Variants in CACNA1E observed in about 807,000 individuals in gnomAD.
CACNA1E encodes voltage-dependent R-type calcium channel subunit alpha-1E.
A neutral mutation model predicts 259.2 loss-of-function variants in CACNA1E; 40 were observed. The observed-to-expected ratio is 0.15, with a 90% confidence interval of 0.12 to 0.20. CACNA1E has a LOEUF of 0.20. Among genes scored for constraint, CACNA1E ranks in the 10% least tolerant of loss-of-function variants. The pLI is 1.00. For missense variants in CACNA1E, 1,874 were observed against 3,040.1 expected, an observed-to-expected ratio of 0.62 and a Z score of 9.02; for synonymous variants, 1,104 against 1,138.5, an observed-to-expected ratio of 0.97 and a Z score of 0.61.
intron 1 of CACNA1E, among the ~76,000 whole-genome samples, chr1:181,496,639 T>C (rs908499734): frequency 3.9e-5 from 6 of 152,104 alleles, no homozygotes; most frequent in African/African-American, 1.4e-4. Flanking sequence ...CTCTTGGAAA[T>C]TTGCCTAATG....
chr1:181,345,762 G>A lies in CACNA1E; in HGVS notation c.-15+27639G>A, dbSNP rs550447848. 5.3e-5 allele frequency among the ~76,000 whole-genome samples: 8 copies of A among 152,298 alleles called. No homozygotes were observed. In the South Asian group the frequency reaches 1.2e-3, roughly 24 times the overall value. On this transcript the variant is annotated intron_variant, in intron 1 of 11. Coordinates refer to the CACNA1E transcript ENST00000524607. ...GGGCAGATGACTTGCTCATTTCCCC[G>A]CTTCTTGAGTGGCTGAGCCAGGCTT...
At chr1:181,738,530 G>T (rs1656270595) in intron 24 of CACNA1E, 104 bp downstream of exon 24, 1 of 881,508 alleles carries the variant, frequency 1.1e-6, no homozygotes, top group Non-Finnish European at 1.9e-6. Flanking sequence ...CCAGCCAATG[G>T]CAGCCCTCAG....
chr1:181,326,131 T>C (rs900304129), intron 1 of CACNA1E, among the ~76,000 whole-genome samples: 9 of 152,236 alleles, frequency 5.9e-5, no homozygotes, highest in Non-Finnish European at 1.2e-4. Context: ...TGCTAAGTCG[T>C]TTAACAACTC....
At chr1:181,357,248 G>T (rs868464981) in intron 1 of CACNA1E, among the ~76,000 whole-genome samples, 3 of 152,184 alleles carry the variant, frequency 2.0e-5, no homozygotes, top group African/African-American at 4.8e-5. Flanking sequence ...CCCCTCCAGC[G>T]GAGGTGGCTC....
chr1:181,544,110 A>G (rs981849747), intron 3 of CACNA1E, among the ~76,000 whole-genome samples: 1 of 152,226 alleles, frequency 6.6e-6, no homozygotes, highest in Admixed American at 6.5e-5. Flanking sequence ...CATGTCAGAC[A>G]ATGGAATACT....
rs1339276750 is a variant in CACNA1E at position 181,726,136 on chromosome 1, G to C, written c.2214G>C (p.Met738Ile). 1.9e-6 allele frequency: 3 copies of C among 1,612,866 alleles called. No individual in the cohort carries two copies. Among genetic ancestry groups the C allele is most frequent in the African/African-American group, 2.7e-5 (2 of 75,032 alleles). Residue 738 changes from methionine (M) to isoleucine (I), a missense_variant, in exon 18 of 48, where the codon ATG becomes ATC. Coordinates refer to ENST00000367573, the MANE Select transcript of CACNA1E (RefSeq NM_001205293.3). ...AGAAGGCCAAGGAGGTCAGCCCGAT[G>C]TCTGCACCCAACATGCCTTCGATCG... ...ALQKAKEVSP[M>I]SAPNMPSIER... is the part of the protein sequence containing the mutation.
intron 1 of CACNA1E, among the ~76,000 whole-genome samples, chr1:181,495,062 G>A (rs1664632989): frequency 6.6e-6 from 1 of 152,134 alleles, no homozygotes; most frequent in African/African-American, 2.4e-5. Flanking sequence ...TTAAGCAGGA[G>A]GTAGCATCTT....
At chr1:181,656,157 A>C (rs925688382) in intron 7 of CACNA1E, among the ~76,000 whole-genome samples, 1 of 152,328 alleles carries the variant, frequency 6.6e-6, no homozygotes, top group African/African-American at 2.4e-5. Context: ...TTATTTTACA[A>C]TTTATTCCTA....
intron 3 of CACNA1E, among the ~76,000 whole-genome samples, chr1:181,532,205 G>C (rs2102735552): frequency 6.6e-6 from 1 of 152,194 alleles, no homozygotes; most frequent in East Asian, 1.9e-4. Context: ...TCTATTTTCT[G>C]TTTGAGTGTT....
intron 3 of CACNA1E, among the ~76,000 whole-genome samples, chr1:181,567,033 A>G (rs1195199190): frequency 6.6e-6 from 1 of 152,146 alleles, no homozygotes; most frequent in Non-Finnish European, 1.5e-5. Flanking sequence ...GTCCCCAAAC[A>G]TCAATACAAC....
At chr1:181,681,581 A>T in intron 7 of CACNA1E, among the ~76,000 whole-genome samples, 1 of 151,974 alleles carries the variant, frequency 6.6e-6, no homozygotes, top group Non-Finnish European at 1.5e-5. Context: ...TTTCCTAAAA[A>T]TAGACCTAAT....
At chr1:181,719,949 C>T in intron 13 of CACNA1E, 86 bp downstream of exon 13, 1 of 846,964 alleles carries the variant, frequency 1.2e-6, no homozygotes, top group Non-Finnish European at 1.9e-6. Context: ...TCTTCTCTTT[C>T]CCCCTTAGGG....
chr1:181,614,974 A>G (rs1655079127), intron 6 of CACNA1E, among the ~76,000 whole-genome samples: 1 of 152,120 alleles, frequency 6.6e-6, no homozygotes, highest in Admixed American at 6.6e-5. Context: ...GATCAGTTGT[A>G]TGTACTTTAG....
intron 7 of CACNA1E, among the ~76,000 whole-genome samples, chr1:181,706,253 T>C (rs1331996637): frequency 1.3e-5 from 2 of 152,116 alleles, no homozygotes; most frequent in East Asian, 3.9e-4. Context: ...TCAGCAGTCA[T>C]CTGGTAAACT....
intron 2 of CACNA1E, among the ~76,000 whole-genome samples, chr1:181,476,419 T>C (rs1324567258): frequency 1.3e-5 from 2 of 152,206 alleles, no homozygotes; most frequent in African/African-American, 2.4e-5. Flanking sequence ...AGAGGCAGGA[T>C]TGGTGGGTGC....
chr1:181,745,882 T>G (rs564172085), intron 25 of CACNA1E, among the ~76,000 whole-genome samples: 1 of 152,340 alleles, frequency 6.6e-6, no homozygotes, highest in African/African-American at 2.4e-5. Context: ...TGCTCTCTCC[T>G]GCTGCTTCTC....
chr1:181,435,221 T>G (rs959559862), intron 2 of CACNA1E, among the ~76,000 whole-genome samples: 3 of 152,194 alleles, frequency 2.0e-5, no homozygotes, highest in African/African-American at 7.2e-5. Context: ...TGGAACAAAC[T>G]AATCTAGGTT....
chr1:181,504,945 G>C (rs1280028070), intron 1 of CACNA1E, among the ~76,000 whole-genome samples: 3 of 152,334 alleles, frequency 2.0e-5, no homozygotes, highest in Non-Finnish European at 4.4e-5. Context: ...AGGGGTGTTT[G>C]AGGAGATTGC....
At chr1:181,665,907 T>C (rs1170943984) in intron 7 of CACNA1E, among the ~76,000 whole-genome samples, 2 of 152,152 alleles carry the variant, frequency 1.3e-5, no homozygotes, top group Admixed American at 6.5e-5. Flanking sequence ...ACAGAATTCA[T>C]TCTTTAACTT....
Sources: allele counts gnomAD v4.1 joint callset (sites outside exome capture counted in the v4.1 genomes callset), GRCh38; gene constraint gnomAD v4.1.1; transcripts MANE v1.5; gene names NCBI Gene and HGNC (gene_info 2026-07-23, HGNC 2026-07-21).